Variants in PEAK1 observed in about 807,000 individuals in gnomAD.
PEAK1 encodes the protein inactive tyrosine-protein kinase PEAK1.
PEAK1 carries 54 observed loss-of-function variants against 124.7 expected under a neutral mutation model. The observed-to-expected ratio is 0.43, with a 90% CI of 0.35 to 0.54. PEAK1 has a LOEUF of 0.54. Among genes scored for constraint, PEAK1 ranks in the 20% least tolerant of loss-of-function variants. The pLI, the probability that PEAK1 is intolerant of heterozygous loss-of-function variation, is 0.01. For missense variants in PEAK1, 2,046 were observed against 2,134.5 expected, an observed-to-expected ratio of 0.96 and a Z score of 0.82; for synonymous variants, 719 against 760.0, an observed-to-expected ratio of 0.95 and a Z score of 0.89.
At chr15:77,330,345 T>A (rs1000599248) in intron 2 of PEAK1, among the ~76,000 whole-genome samples, 2 of 152,276 alleles carry the variant, frequency 1.3e-5, no homozygotes, top group African/African-American at 4.8e-5. Context: ...CTTATCTCCA[T>A]GATTCCATAA....
At chr15:77,329,886 G>GA (rs1269455498) in intron 2 of PEAK1, among the ~76,000 whole-genome samples, 1 of 151,976 alleles carries the variant, frequency 6.6e-6, no homozygotes, top group African/African-American at 2.4e-5. Flanking sequence ...TGTAGTGGGG[G>GA]AAAAAAGTGT....
intron 6 of PEAK1, among the ~76,000 whole-genome samples, chr15:77,207,580 C>A (rs997250687): frequency 5.3e-5 from 8 of 151,988 alleles, no homozygotes; most frequent in African/African-American, 1.7e-4. Flanking sequence ...TCTGAAAAGG[C>A]TAGATATTGT....
At chr15:77,307,150 A>G (rs1010086541) in intron 2 of PEAK1, among the ~76,000 whole-genome samples, 1 of 152,124 alleles carries the variant, frequency 6.6e-6, no homozygotes, top group East Asian at 1.9e-4. Flanking sequence ...TTTTTCAACT[A>G]GAGATTCAGG....
chr15:77,125,179 T>C (rs956854617), intron 9 of PEAK1, among the ~76,000 whole-genome samples: 2 of 152,152 alleles, frequency 1.3e-5, no homozygotes, highest in African/African-American at 4.8e-5. Flanking sequence ...GATATTATAA[T>C]AGATGCTAAG....
intron 6 of PEAK1, among the ~76,000 whole-genome samples, chr15:77,209,003 T>C (rs1252296728): frequency 1.3e-5 from 2 of 152,182 alleles, no homozygotes; most frequent in Non-Finnish European, 2.9e-5. Flanking sequence ...TTCTTAACTA[T>C]TTTTGGAAGT....
chr15:77,135,393 T>C (rs770723344), intron 8 of PEAK1, among the ~76,000 whole-genome samples: 1 of 152,158 alleles, frequency 6.6e-6, no homozygotes, highest in African/African-American at 2.4e-5. Context: ...CTGAGAGAGT[T>C]AGGCAATCTC....
chr15:77,396,652 T>G (rs1421141202), intron 1 of PEAK1, among the ~76,000 whole-genome samples: 1 of 152,086 alleles, frequency 6.6e-6, no homozygotes. Context: ...ACAAAATAGA[T>G]TTCAAGACAA....
At chr15:77,376,480 G>T (rs1597498588) in intron 1 of PEAK1, among the ~76,000 whole-genome samples, 2 of 152,176 alleles carry the variant, frequency 1.3e-5, no homozygotes, top group East Asian at 3.9e-4. Flanking sequence ...TCCTCATATT[G>T]TGGCTAAGGA....
chr15:77,357,076 T>C (rs2067564982), intron 2 of PEAK1, among the ~76,000 whole-genome samples: 1 of 152,096 alleles, frequency 6.6e-6, no homozygotes, highest in Non-Finnish European at 1.5e-5. Context: ...AGATCAGCCT[T>C]GACAACGTAA....
At chr15:77,353,674 T>G (rs1371279530) in intron 2 of PEAK1, among the ~76,000 whole-genome samples, 2 of 152,166 alleles carry the variant, frequency 1.3e-5, no homozygotes, top group African/African-American at 2.4e-5. Context: ...TTCTTTTATA[T>G]GTATAATATA....
At chr15:77,361,348 G>A (rs556187182) in intron 2 of PEAK1, among the ~76,000 whole-genome samples, 2 of 152,308 alleles carry the variant, frequency 1.3e-5, no homozygotes, top group South Asian at 4.1e-4. Flanking sequence ...GCTGAGGCAG[G>A]AGGATTGCTT....
chr15:77,138,032 C>A (rs1001430817), intron 8 of PEAK1, among the ~76,000 whole-genome samples: 2 of 152,150 alleles, frequency 1.3e-5, no homozygotes, highest in East Asian at 3.9e-4. Context: ...TCTCTCTTTG[C>A]CTGCTGCCAT....
At chr15:77,292,632 C>T (rs1182622682) in intron 2 of PEAK1, among the ~76,000 whole-genome samples, 3 of 152,096 alleles carry the variant, frequency 2.0e-5, no homozygotes, top group African/African-American at 4.8e-5. Context: ...AGAATTTGCA[C>T]ATCAGGTGAC....
At chr15:77,195,889 C>T (rs1363693251) in intron 6 of PEAK1, among the ~76,000 whole-genome samples, 1 of 152,314 alleles carries the variant, frequency 6.6e-6, no homozygotes, top group Non-Finnish European at 1.5e-5. Context: ...ACGGAAGGTG[C>T]AGATTTACTG....
chr15:77,144,952 G>T (rs1284108332), intron 8 of PEAK1, among the ~76,000 whole-genome samples: 1 of 152,158 alleles, frequency 6.6e-6, no homozygotes, highest in Non-Finnish European at 1.5e-5. Flanking sequence ...CTTTCAGCAG[G>T]CCTAATATAA....
At chr15:77,343,482 CTTTTTTTTTTT>C in intron 2 of PEAK1, among the ~76,000 whole-genome samples, 1 of 97,964 alleles carries the variant, frequency 1.0e-5, no homozygotes, top group East Asian at 3.1e-4. Context: ...GTCCAACTTA[CTTTTTTTTTTT>C]TTTTTTTTTT....
At chr15:77,383,105 C>T (rs2069622837) in intron 1 of PEAK1, among the ~76,000 whole-genome samples, 2 of 150,480 alleles carry the variant, frequency 1.3e-5, no homozygotes, top group Admixed American at 6.7e-5. Flanking sequence ...CTCACTGCAA[C>T]CTCCGTTGCC....
intron 1 of PEAK1, among the ~76,000 whole-genome samples, chr15:77,389,987 T>C (rs1418624233): frequency 6.6e-6 from 1 of 152,246 alleles, no homozygotes; most frequent in African/African-American, 2.4e-5. Context: ...TAATATTACA[T>C]GCCACGTACT....
chr15:77,233,657 T>A (rs868052042), intron 6 of PEAK1, among the ~76,000 whole-genome samples: 21 of 152,196 alleles, frequency 1.4e-4, no homozygotes, highest in African/African-American at 4.6e-4. Flanking sequence ...CTCCCAAATT[T>A]TATTTCCAGT....
Sources: allele counts gnomAD v4.1 joint callset (sites outside exome capture counted in the v4.1 genomes callset), GRCh38; gene constraint gnomAD v4.1.1; transcripts MANE v1.5; gene names NCBI Gene and HGNC (gene_info 2026-07-23, HGNC 2026-07-21).